The following CDC42BPB variants were observed in gnomAD, a reference collection of about 807,000 sequenced individuals.
CDC42BPB encodes serine/threonine-protein kinase MRCK beta.
CDC42BPB carries 37 observed loss-of-function variants against 214.9 expected under a neutral mutation model. The observed-to-expected ratio is 0.17, with a 90% CI of 0.13 to 0.23. CDC42BPB has a LOEUF of 0.23. Ranked by LOEUF, CDC42BPB falls within the 10% of genes least tolerant of loss-of-function variation. CDC42BPB has a pLI of 1.00. For synonymous variants in CDC42BPB, 931 were observed against 884.0 expected (o/e 1.05, Z -0.94); for missense variants, 1,694 against 2,227.0 (o/e 0.76, Z 4.82).
Position 102,980,841 on chromosome 14 carries a change from T to C in CDC42BPB, c.1072A>G (p.Ile358Val). ...TCAGAGGGACTGCTCACATCAGGAA[T>C]ATAAGGTGCTTCTAGGTTTCGTATA... ...ENIRNLEAPY[I>V]PDVSSPSDTS... Residue 358 changes from isoleucine (I) to valine (V), a missense_variant, in exon 8 of 37, where the codon ATT (isoleucine) becomes GTT (valine). Around this residue, in one of 7 missense-constraint regions of CDC42BPB, gnomAD observed 225 missense variants for 459.3 expected, o/e 0.49. Coordinates refer to ENST00000361246, the MANE Select transcript of CDC42BPB (RefSeq NM_006035.4). The C allele has an allele frequency of 6.2e-7, 1 of 1,614,220 alleles. No individual in the cohort carries two copies. Among genetic ancestry groups the C allele is most frequent in the South Asian group, 1.1e-5 (1 of 91,084 alleles).
At chr14:103,052,206 T>A (rs902047222) in intron 1 of CDC42BPB, among the ~76,000 whole-genome samples, 6 of 152,160 alleles carry the variant, frequency 3.9e-5, no homozygotes, top group Admixed American at 6.5e-5. Flanking sequence ...CTCATGCTAT[T>A]ATAGTCAGTA....
chr14:102,990,548 C>T lies in CDC42BPB; in HGVS notation c.597-3968G>A, dbSNP rs553495400. On this transcript the variant is annotated intron_variant, in intron 5 of 36. Transcript: ENST00000361246. ...TTAACTCATGATTCCTGAGTATGCA[C>T]AGGTAGACGTGTGTGTCCATGAGTG... Among the ~76,000 whole-genome samples the T allele has an allele frequency of 2.6e-5, 4 of 152,290 alleles. No homozygotes were observed. In the South Asian group the frequency reaches 8.3e-4, roughly 32 times the overall value.
At position 103,057,105 on chromosome 14, in the gene CDC42BPB, G is replaced by A; in HGVS notation, c.69C>T (p.Ser23=). 1 of 1,523,888 alleles carries A rather than the reference G, an allele frequency of 6.6e-7. No homozygotes were observed. The highest frequency in any genetic ancestry group is 8.8e-7 in the Non-Finnish European group (1 of 1,140,678). The allele number at this position is 1,523,888 out of a possible 1,614,324, so 94.4% of individuals were successfully genotyped here. ...CGAGCAGCGTTTCCACGCTCAGGGC[G>A]CTCTCGTTGCGCCAGGGCCCGTCCA... ...LLLDGPWRNE[S]ALSVETLLDV... Residue 23 remains serine (S), a synonymous_variant, in exon 1 of 37, where the codon AGC becomes AGT. Transcript: ENST00000361246.
At position 102,944,675 on chromosome 14, in the gene CDC42BPB, C is replaced by CG; in HGVS notation, c.3812-189dup. 1 of 985,360 alleles carries CG rather than the reference C, an allele frequency of 1.0e-6. No individual in the cohort carries two copies. The allele number at this position is 985,360 out of a possible 1,614,324, so 61.0% of individuals were successfully genotyped here. ...CAGAGCCAGTGGCTTGAACGCCCCC[C>CG]GGAGAAGCTGCCCCACATCCACAGC... On this transcript the variant is annotated intron_variant, in intron 29 of 36. Coordinates refer to ENST00000361246, the MANE Select transcript of CDC42BPB (RefSeq NM_006035.4). The surrounding 1 kb of genome is among the most constrained non-coding windows in gnomAD (Gnocchi z 6.6).
intron 6 of CDC42BPB, among the ~76,000 whole-genome samples, chr14:102,984,899 G>A (rs532952921): frequency 9.8e-5 from 15 of 152,360 alleles, no homozygotes; most frequent in South Asian, 4.1e-4. Flanking sequence ...GCACGAGTGC[G>A]TGGCCAGCCC....
intron 16 of CDC42BPB, chr14:102,967,457 C>T (rs1182159392): frequency 2.8e-5 from 17 of 614,426 alleles, no homozygotes; most frequent in Non-Finnish European, 3.3e-5. Flanking sequence ...CACATGACTC[C>T]ATTCAAAAAT....
intron 5 of CDC42BPB, among the ~76,000 whole-genome samples, chr14:102,997,370 T>C (rs1894787825): frequency 6.6e-6 from 1 of 152,018 alleles, no homozygotes; most frequent in Admixed American, 6.6e-5. Flanking sequence ...CTCTCTCATA[T>C]ACCCCCCTTC....
At chr14:103,010,919 A>G (rs1043365123) in intron 2 of CDC42BPB, among the ~76,000 whole-genome samples, 1 of 152,136 alleles carries the variant, frequency 6.6e-6, no homozygotes, top group Non-Finnish European at 1.5e-5. Flanking sequence ...GGTCCCAGCT[A>G]CTCGGGAGGC....
At chr14:103,042,443 T>C (rs977070601) in intron 1 of CDC42BPB, among the ~76,000 whole-genome samples, 3 of 152,136 alleles carry the variant, frequency 2.0e-5, no homozygotes, top group Admixed American at 6.5e-5. Flanking sequence ...CCCGAGTAGC[T>C]GGGACTACAG....
intron 1 of CDC42BPB, among the ~76,000 whole-genome samples, chr14:103,055,091 T>G (rs1406789356): frequency 9.2e-5 from 14 of 152,232 alleles, no homozygotes; most frequent in Admixed American, 9.2e-4. Flanking sequence ...AACCTGACAG[T>G]GGAACTGTGT....
In CDC42BPB at chr14:102,976,306, C is replaced by CT. The variant is rs1006429054; in HGVS notation, c.1221-258_1221-257insA. The CT allele has an allele frequency of 1.7e-5, 11 of 644,464 alleles. No homozygotes were observed. In the African/African-American group the frequency reaches 2.2e-4, roughly 13 times the overall value. 39.9% of individuals were successfully genotyped at this position (644,464 alleles called of 1,614,324 possible). On this transcript the variant is annotated intron_variant, in intron 9 of 36. Coordinates refer to ENST00000361246, the MANE Select transcript of CDC42BPB (RefSeq NM_006035.4). ...GGGAAATGGCATTTCTAAATCATCC[C>CT]CCACACTTAACTATAAATGCAAAAC...
intron 1 of CDC42BPB, among the ~76,000 whole-genome samples, chr14:103,013,764 A>G (rs1420783279): frequency 2.6e-5 from 4 of 152,212 alleles, no homozygotes; most frequent in Admixed American, 1.3e-4. Context: ...TGCGAGGGAC[A>G]TGGCCTGGCT....
intron 1 of CDC42BPB, among the ~76,000 whole-genome samples, chr14:103,040,225 G>A (rs916144445): frequency 1.3e-5 from 2 of 151,856 alleles, no homozygotes; most frequent in East Asian, 2.0e-4. Context: ...CGTCGTGGCG[G>A]GTGCCTGCAA....
intron 1 of CDC42BPB, among the ~76,000 whole-genome samples, chr14:103,018,967 A>G (rs891735570): frequency 6.6e-6 from 1 of 152,100 alleles, no homozygotes; most frequent in Non-Finnish European, 1.5e-5. Context: ...TTTTTGAGAC[A>G]GGGTTTTGCT....
At chr14:102,962,951 GA>G in intron 20 of CDC42BPB, 109 bp downstream of exon 20, 1 of 559,210 alleles carries the variant, frequency 1.8e-6, no homozygotes, top group East Asian at 3.0e-5. Flanking sequence ...ACTGAATTTG[GA>G]ATTCTGTAGG....
intron 36 of CDC42BPB, among the ~76,000 whole-genome samples, chr14:102,936,219 C>T (rs1459501891): frequency 6.6e-6 from 1 of 152,162 alleles, no homozygotes; most frequent in Non-Finnish European, 1.5e-5. Flanking sequence ...CATAGAATTA[C>T]CACATAAATC....
intron 7 of CDC42BPB, 27 bp from the exon 8 acceptor site, chr14:102,981,048 G>A: frequency 6.2e-6 from 10 of 1,613,560 alleles, no homozygotes; most frequent in Non-Finnish European, 7.6e-6. Context: ...AAACACCGGT[G>A]GACAGGTGGA....
chr14:102,941,613 G>A, intron 30 of CDC42BPB: 1 of 951,410 alleles, frequency 1.1e-6, no homozygotes, highest in Non-Finnish European at 1.3e-6. Context: ...GGATTCGCTT[G>A]CAAGGAAGCA....
chr14:102,993,852 A>G (rs1894606180), intron 5 of CDC42BPB, among the ~76,000 whole-genome samples: 1 of 152,244 alleles, frequency 6.6e-6, no homozygotes, highest in Non-Finnish European at 1.5e-5. Flanking sequence ...ATTAAAGACA[A>G]GGATAATTAC....
Sources: allele counts gnomAD v4.1 joint callset (sites outside exome capture counted in the v4.1 genomes callset), GRCh38; gene constraint gnomAD v4.1.1; regional missense constraint gnomAD v4.1.1; non-coding constraint Gnocchi (gnomAD v3.1); transcripts MANE v1.5; gene names NCBI Gene and HGNC (gene_info 2026-07-23, HGNC 2026-07-21).